HDAC9: variants seen among roughly 807,000 people sequenced by gnomAD.
HDAC9 encodes MEF-2 interacting transcription repressor (MITR) protein.
Under a neutral mutation model 139.4 loss-of-function variants are expected in HDAC9, and 41 were observed. That is an observed-to-expected ratio of 0.29 (90% CI 0.23 to 0.38). HDAC9 has a LOEUF of 0.38. Among genes scored for constraint, HDAC9 ranks in the 10% least tolerant of loss-of-function variants. The pLI, the probability that HDAC9 is intolerant of heterozygous loss-of-function variation, is 1.00. For missense variants in HDAC9, 1,147 were observed against 1,297.0 expected (o/e 0.88, Z 1.78); for synonymous variants, 517 against 476.2 (o/e 1.09, Z -1.12).
intron 21 of HDAC9, among the ~76,000 whole-genome samples, chr7:18,857,309 A>G (rs1797756864): frequency 6.7e-6 from 1 of 148,538 alleles, no homozygotes; most frequent in South Asian, 2.1e-4. Flanking sequence ...AGAGTGTCAC[A>G]TATTGTTTCA....
chr7:18,248,525 T>C (rs528224060), intron 2 of HDAC9, among the ~76,000 whole-genome samples: 1 of 152,332 alleles, frequency 6.6e-6, no homozygotes, highest in Non-Finnish European at 1.5e-5. Flanking sequence ...TTTTGAGGTG[T>C]CACTTTCCAC....
chr7:18,324,489 A>C (rs17346975), intron 1 of HDAC9, among the ~76,000 whole-genome samples: 3,904 of 152,276 alleles, frequency 0.026, 79 homozygotes, highest in East Asian at 0.066. Context: ...TTTCTACAAT[A>C]GCTAATTAGG....
chr7:18,257,438 A>ACACACACACACAC (rs1562802142), intron 2 of HDAC9, among the ~76,000 whole-genome samples: 58 of 132,574 alleles, frequency 4.4e-4, no homozygotes, highest in African/African-American at 1.6e-3. Context: ...CACACACACA[A>ACACACACACACAC]AAAGAAAAAA....
chr7:18,310,842 ACACACACT>A (rs576463821), intron 1 of HDAC9, among the ~76,000 whole-genome samples: 1,682 of 141,724 alleles, frequency 0.012, 33 homozygotes, highest in African/African-American at 0.044. Context: ...ACACACACAC[ACACACACT>A]CTCTTACTAA....
intron 1 of HDAC9, among the ~76,000 whole-genome samples, chr7:18,382,905 A>G (rs980017342): frequency 1.2e-4 from 19 of 152,362 alleles, no homozygotes; most frequent in Middle Eastern, 3.4e-3. Context: ...GTATATGTAT[A>G]TAAATGTGCA....
At chr7:18,199,754 C>CAAAAAAAAAAAAAAAAAAAAAAAAAA (rs59883693) in intron 2 of HDAC9, among the ~76,000 whole-genome samples, 1 of 55,710 alleles carries the variant, frequency 1.8e-5, no homozygotes, top group Non-Finnish European at 3.2e-5. Flanking sequence ...ATGTGTCTAC[C>CAAAAAAAAAAAAAAAAAAAAAAAAAA]AAAAAAAAAA....
chr7:18,148,950 G>T (rs1786549019), intron 1 of HDAC9, among the ~76,000 whole-genome samples: 1 of 152,116 alleles, frequency 6.6e-6, no homozygotes, highest in African/African-American at 2.4e-5. Context: ...CAGGGGGAGG[G>T]TATTGTACCT....
At chr7:18,267,578 C>G (rs117085841) in intron 2 of HDAC9, among the ~76,000 whole-genome samples, 1 of 152,086 alleles carries the variant, frequency 6.6e-6, no homozygotes, top group Non-Finnish European at 1.5e-5. Context: ...TTTCACTGAA[C>G]GTAATGCCAT....
At chr7:18,333,597 A>G (rs919132302) in intron 1 of HDAC9, among the ~76,000 whole-genome samples, 2 of 151,520 alleles carry the variant, frequency 1.3e-5, no homozygotes, top group African/African-American at 2.4e-5. Context: ...TTAAGGGAAT[A>G]AACAAAATGG....
At chr7:18,325,740 G>A (rs750847905) in intron 1 of HDAC9, 2 of 152,078 alleles carry the variant, frequency 1.3e-5, no homozygotes, top group African/African-American at 2.4e-5. Context: ...GTACAGTCAT[G>A]TGATAGACCA....
intron 17 of HDAC9, among the ~76,000 whole-genome samples, chr7:18,822,358 T>G (rs1051970308): frequency 2.0e-5 from 3 of 151,872 alleles, no homozygotes; most frequent in South Asian, 2.1e-4. Context: ...TTGTTGTTGT[T>G]GTTGTTGTTG....
chr7:18,494,303 CTTAT>C (rs1207084394), upstream of HDAC9, among the ~76,000 whole-genome samples: 11 of 152,012 alleles, frequency 7.2e-5, no homozygotes. Context: ...ATTTAACGTG[CTTAT>C]TTCTTCCCTT....
chr7:18,526,033 A>C (rs1203621496), intron 2 of HDAC9, among the ~76,000 whole-genome samples: 1 of 152,138 alleles, frequency 6.6e-6, no homozygotes, highest in East Asian at 1.9e-4. Flanking sequence ...ACCAGATGAA[A>C]GTCACTGTTT....
intron 13 of HDAC9, among the ~76,000 whole-genome samples, chr7:18,745,885 T>TCTTC (rs201044923): frequency 9.0e-6 from 1 of 111,260 alleles, no homozygotes; most frequent in East Asian, 2.8e-4. Context: ...TTCTTCTTCT[T>TCTTC]TTTTTTTTTT....
chr7:18,902,457 G>A (rs1193624710), intron 22 of HDAC9, among the ~76,000 whole-genome samples: 1 of 152,110 alleles, frequency 6.6e-6, no homozygotes, highest in African/African-American at 2.4e-5. Flanking sequence ...CTCTGTGTTT[G>A]AAACCAAACT....
intron 1 of HDAC9, among the ~76,000 whole-genome samples, chr7:18,092,297 G>C (rs1367781343): frequency 6.6e-6 from 1 of 152,122 alleles, no homozygotes; most frequent in Non-Finnish European, 1.5e-5. Context: ...GGCTGAGGTG[G>C]GAGGATCACC....
intron 2 of HDAC9, among the ~76,000 whole-genome samples, chr7:18,222,991 G>T (rs1424769256): frequency 2.6e-5 from 4 of 152,230 alleles, no homozygotes; most frequent in Non-Finnish European, 4.4e-5. Flanking sequence ...TGTCAGTATT[G>T]CAGGAGAAAG....
intron 2 of HDAC9, among the ~76,000 whole-genome samples, chr7:18,240,037 G>A (rs1299088182): frequency 7.4e-5 from 11 of 148,744 alleles, no homozygotes; most frequent in Admixed American, 2.0e-4. Flanking sequence ...TTATTTAGTC[G>A]GTCTCATCTC....
chr7:18,099,234 T>G (rs1584031467), intron 1 of HDAC9, among the ~76,000 whole-genome samples: 1 of 152,206 alleles, frequency 6.6e-6, no homozygotes, highest in South Asian at 2.1e-4. Flanking sequence ...CCGAGGCAGG[T>G]GTGTCACCTG....
Sources: gnomAD v4.1 joint callset for allele counts (sites outside exome capture counted in the v4.1 genomes callset) on GRCh38, gnomAD v4.1.1 for gene constraint, MANE v1.5 for transcripts, NCBI Gene and HGNC (gene_info 2026-07-23, HGNC 2026-07-21) for gene names.